Variants in PTPRE observed in about 807,000 individuals in gnomAD.
The protein encoded by PTPRE is protein tyrosine phosphatase receptor type E.
In PTPRE, 51 loss-of-function variants were observed where a neutral mutation model predicts 102.0. The ratio of observed to expected loss-of-function variants is 0.50; its 90% CI spans 0.40 to 0.63. PTPRE has a LOEUF of 0.63. Among genes scored for constraint, PTPRE ranks in the 30% least tolerant of loss-of-function variants. PTPRE has a pLI of 0.00. For missense variants in PTPRE, 752 were observed against 915.1 expected, an observed-to-expected ratio of 0.82 and a Z score of 2.30; for synonymous variants, 345 against 348.2, an observed-to-expected ratio of 0.99 and a Z score of 0.10.
chr10:127,961,639 C>A (rs971806908), intron 1 of PTPRE, among the ~76,000 whole-genome samples: 1 of 152,218 alleles, frequency 6.6e-6, no homozygotes, highest in Non-Finnish European at 1.5e-5. Flanking sequence ...GCTCCACCCC[C>A]CAGCGAGAGA....
intron 16 of PTPRE, 139 bp from the exon 17 acceptor site, chr10:128,073,198 C>A: frequency 8.3e-7 from 1 of 1,201,882 alleles, no homozygotes; most frequent in Non-Finnish European, 1.1e-6. Flanking sequence ...AGTGCTCGTG[C>A]CAACTGGGGT....
rs1363861160 is a variant in PTPRE at position 128,008,642 on chromosome 10, C to T, written c.-8+26346C>T. Among the ~76,000 whole-genome samples, 1 of 152,184 alleles carries T rather than the reference C, an allele frequency of 6.6e-6. No homozygotes were observed. ...CCGACACACCTGGTCTTTCTCAACT[C>T]CTGCAAGTCACGTCTTCCCAGAATC... is the stretch of plus-strand genomic sequence containing the variant. On this transcript the variant is annotated intron_variant, in intron 2 of 20. Transcript: ENST00000254667. This position sits in a 1 kb window ranked among gnomAD's most constrained non-coding sequence, Gnocchi z 4.0.
At chr10:127,996,958 C>G (rs1352962984) in intron 2 of PTPRE, among the ~76,000 whole-genome samples, 1 of 151,954 alleles carries the variant, frequency 6.6e-6, no homozygotes, top group African/African-American at 2.4e-5. Context: ...GCCAATCTTA[C>G]AGTGTCATGG....
At chr10:128,040,543 G>A (rs141507273) in intron 2 of PTPRE, among the ~76,000 whole-genome samples, 1 of 152,184 alleles carries the variant, frequency 6.6e-6, no homozygotes, top group African/African-American at 2.4e-5. Context: ...TCACCCAGAT[G>A]TGATTTCTGC....
chr10:128,049,312 G>A (rs1848354441), intron 5 of PTPRE, among the ~76,000 whole-genome samples: 1 of 152,136 alleles, frequency 6.6e-6, no homozygotes, highest in African/African-American at 2.4e-5. Flanking sequence ...CTGGGCAGAG[G>A]GACGCCCGTC....
chr10:127,987,371 C>T, intron 2 of PTPRE: 1 of 1,281,904 alleles, frequency 7.8e-7, no homozygotes. Context: ...GATGGTTTCC[C>T]AGCGTCTTCC....
rs374795874 is a variant in PTPRE at position 128,049,666 on chromosome 10, C to T, written c.420C>T (p.Asn140=). ...DDCKQFREEF[N]SLPSGHIQGT... is the part of the protein sequence containing the mutation. ...GCAAGCAGTTTCGGGAGGAGTTCAA[C>T]GTGAGTGTGGGGAGGGCTCTCTGCT... The change falls in exon 6 of 21, where the codon AAC becomes AAT. Residue 140 remains asparagine, a splice_region_variant and synonymous_variant. Transcript: ENST00000254667. The T allele has an allele frequency of 5.0e-6, 8 of 1,613,722 alleles. No homozygotes were observed. Among genetic ancestry groups the T allele is most frequent in the East Asian group, 4.5e-5 (2 of 44,864 alleles).
rs1311926536 is a variant in PTPRE, at chr10:128,077,721, CAT to C, written c.1831_1832del (p.Ile611ArgfsTer69). The C allele has an allele frequency of 6.2e-7, 1 of 1,613,352 alleles. No homozygotes were observed. The highest frequency in any genetic ancestry group is 1.7e-5 in the Admixed American group (1 of 60,020). On this transcript the variant is annotated frameshift_variant, in exon 19 of 21. Transcript: ENST00000254667. LOFTEE classifies it high-confidence loss of function. ...CCGAGGGCAAAGGCATGATTGACCT[CAT>C]CGCAGCCGTGCAGAAGCAGCAGCAG... ...PAEGKGMIDLIAAVQKQQQQT... is the reference protein window; with the variant it reads ...PAEGKGMIDLXAAVQKQQQQT...
chr10:127,978,647 C>T (rs1014767887), intron 1 of PTPRE, among the ~76,000 whole-genome samples: 8 of 152,198 alleles, frequency 5.3e-5, no homozygotes, highest in Non-Finnish European at 8.8e-5. Flanking sequence ...AGCCCCGGGC[C>T]GGCATTGCCG....
chr10:128,071,154 C>G, intron 15 of PTPRE: 2 of 500,452 alleles, frequency 4.0e-6, no homozygotes, highest in Non-Finnish European at 7.1e-6. Flanking sequence ...CTTGCAGATG[C>G]GGGAGGGCAG....
intron 2 of PTPRE, among the ~76,000 whole-genome samples, chr10:127,995,823 G>A (rs1460376321): frequency 3.4e-5 from 5 of 148,216 alleles, no homozygotes; most frequent in African/African-American, 5.0e-5. Context: ...CTCTACACGA[G>A]CACACACACA....
At chr10:127,917,051 G>A (rs1166430421) in intron 1 of PTPRE, among the ~76,000 whole-genome samples, 2 of 152,060 alleles carry the variant, frequency 1.3e-5, no homozygotes, top group Non-Finnish European at 2.9e-5. Flanking sequence ...AAGCCAGAAT[G>A]GAGGTGACGG....
rs749304278 is a variant in PTPRE, at chr10:128,083,593, C to T, written c.*687C>T. 6.6e-6 allele frequency: 1 copy of T among 152,210 alleles called. No homozygotes were observed. Among genetic ancestry groups the T allele is most frequent in the African/African-American group, 2.4e-5 (1 of 41,444 alleles). 9.4% of individuals were successfully genotyped at this position (152,210 alleles called of 1,614,324 possible). ...AGAAGAGATGTAAATGCTGGGTGGT[C>T]CCGTTGACCCACGGCGTTGGGTACA... On this transcript the variant is annotated 3_prime_UTR_variant, in exon 21 of 21. Transcript: ENST00000254667.
intron 1 of PTPRE, among the ~76,000 whole-genome samples, chr10:127,927,786 C>A (rs1847141789): frequency 6.6e-6 from 1 of 152,188 alleles, no homozygotes; most frequent in Non-Finnish European, 1.5e-5. Flanking sequence ...TTAGTCGTAT[C>A]AGTGAAAGGG....
chr10:128,007,428 A>T (rs1443980712), intron 2 of PTPRE, among the ~76,000 whole-genome samples: 2 of 152,152 alleles, frequency 1.3e-5, no homozygotes, highest in Non-Finnish European at 1.5e-5. Context: ...TAATCCATGG[A>T]TATTATTTGG....
intron 9 of PTPRE, among the ~76,000 whole-genome samples, chr10:128,062,335 C>T (rs1849680275): frequency 6.6e-6 from 1 of 152,192 alleles, no homozygotes; most frequent in African/African-American, 2.4e-5. Context: ...AATGCAGAAT[C>T]TCTAAGAAAA....
chr10:128,046,657 G>A (rs1392585494), intron 3 of PTPRE, among the ~76,000 whole-genome samples: 1 of 152,158 alleles, frequency 6.6e-6, no homozygotes, highest in African/African-American at 2.4e-5. Context: ...AACAAAGTGC[G>A]ACGTTGGGAG....
chr10:128,020,667 T>C (rs935211341), intron 2 of PTPRE, among the ~76,000 whole-genome samples: 1 of 152,202 alleles, frequency 6.6e-6, no homozygotes, highest in Non-Finnish European at 1.5e-5. Context: ...TGGTCCTTAC[T>C]CTTCTGCTCA....
intron 6 of PTPRE, among the ~76,000 whole-genome samples, chr10:128,053,466 A>C (rs928092514): frequency 6.6e-6 from 1 of 152,220 alleles, no homozygotes; most frequent in Non-Finnish European, 1.5e-5. Flanking sequence ...CCACCTGAGC[A>C]GCTCAGAGAT....
Sources: gnomAD v4.1 joint callset for allele counts (sites outside exome capture counted in the v4.1 genomes callset) on GRCh38, gnomAD v4.1.1 for gene constraint, Gnocchi (gnomAD v3.1) non-coding constraint, MANE v1.5 for transcripts, NCBI Gene and HGNC (gene_info 2026-07-23, HGNC 2026-07-21) for gene names.